HS3ST5: variants seen among roughly 807,000 people sequenced by gnomAD.
The protein encoded by HS3ST5 is heparan sulfate-glucosamine 3-sulfotransferase 5, also known as heparan sulfate glucosamine 3-O-sulfotransferase 5.
In HS3ST5, 10 loss-of-function variants were observed where a neutral mutation model predicts 25.4. The ratio of observed to expected loss-of-function variants is 0.39; its 90% confidence interval spans 0.24 to 0.67. HS3ST5 has a LOEUF of 0.67. Ranked by LOEUF, HS3ST5 falls within the 30% of genes least tolerant of loss-of-function variation. The pLI, the probability that HS3ST5 is intolerant of heterozygous loss-of-function variation, is 0.44. For missense variants in HS3ST5, 324 were observed against 420.7 expected (o/e 0.77, Z 2.01); for synonymous variants, 170 against 162.4 (o/e 1.05, Z -0.36).
At chr6:114,236,546 G>A (rs897654273) in intron 1 of HS3ST5, among the ~76,000 whole-genome samples, 4 of 152,104 alleles carry the variant, frequency 2.6e-5, no homozygotes, top group African/African-American at 9.7e-5. Context: ...TTGGTGGGGA[G>A]GAGTCTGTTG....
intron 3 of HS3ST5, chr6:114,084,691 C>G (rs987537661): frequency 7.9e-7 from 1 of 1,273,660 alleles, no homozygotes; most frequent in African/African-American, 1.5e-5. Flanking sequence ...CCACAAGAAG[C>G]CGTGGCTCCT....
chr6:114,248,217 A>AAATAT lies in HS3ST5; in HGVS notation c.-338-19440_-338-19439insATATT, dbSNP rs779273890. On this transcript the variant is annotated intron_variant, in intron 1 of 4. Coordinates refer to ENST00000312719, the MANE Select transcript of HS3ST5 (RefSeq NM_153612.4). ...TTCCATCTCAAAAAATGAAAAAAAA[A>AAATAT]ATATATATATATATATATATAAAAT... Among the ~76,000 whole-genome samples the AAATAT allele has an allele frequency of 4.2e-3, 603 of 143,130 alleles. 5 individuals are homozygous for AAATAT. Among genetic ancestry groups the AAATAT allele is most frequent in the Admixed American group, 7.5e-3 (107 of 14,248 alleles). 93.9% of individuals were successfully genotyped at this position (143,130 alleles called of 152,430 possible).
At chr6:114,267,333 G>C (rs1199700463) in intron 1 of HS3ST5, among the ~76,000 whole-genome samples, 1 of 152,162 alleles carries the variant, frequency 6.6e-6, no homozygotes, top group Non-Finnish European at 1.5e-5. Flanking sequence ...AGGTGGGGTT[G>C]TTTGTAACTT....
At chr6:114,211,335 T>C (rs948468251) in intron 2 of HS3ST5, among the ~76,000 whole-genome samples, 6 of 152,204 alleles carry the variant, frequency 3.9e-5, no homozygotes, top group South Asian at 2.1e-4. Context: ...TTAGCCCAGT[T>C]TTGTAGACAA....
At chr6:114,145,503 A>G (rs1218803736) in intron 3 of HS3ST5, among the ~76,000 whole-genome samples, 1 of 152,186 alleles carries the variant, frequency 6.6e-6, no homozygotes, top group East Asian at 1.9e-4. Context: ...GAGGAATGAC[A>G]GGAATGTTCA....
intron 1 of HS3ST5, among the ~76,000 whole-genome samples, chr6:114,289,304 A>G (rs1208768560): frequency 6.6e-6 from 1 of 152,136 alleles, no homozygotes; most frequent in African/African-American, 2.4e-5. Flanking sequence ...TTGGGTAGGA[A>G]AAATGATGCT....
intron 4 of HS3ST5, among the ~76,000 whole-genome samples, chr6:114,061,106 C>A (rs750337594): frequency 3.3e-5 from 5 of 152,106 alleles, no homozygotes; most frequent in Admixed American, 6.5e-5. Context: ...TAAAAGCTAT[C>A]CCCTTAGAGA....
intron 2 of HS3ST5, among the ~76,000 whole-genome samples, chr6:114,198,774 G>A (rs1344554660): frequency 6.6e-6 from 1 of 152,020 alleles, no homozygotes; most frequent in Non-Finnish European, 1.5e-5. Flanking sequence ...GAGATTAATG[G>A]AAATATCTGC....
intron 2 of HS3ST5, among the ~76,000 whole-genome samples, chr6:114,190,375 G>T (rs1780442067): frequency 6.6e-6 from 1 of 152,098 alleles, no homozygotes; most frequent in Non-Finnish European, 1.5e-5. Flanking sequence ...TCAACATTCT[G>T]GGGTTTCCAA....
chr6:114,322,083 CT>C (rs1224752040), intron 1 of HS3ST5, among the ~76,000 whole-genome samples: 3 of 152,032 alleles, frequency 2.0e-5, no homozygotes, highest in Non-Finnish European at 2.9e-5. Context: ...CATGATAATT[CT>C]TGTTAGTAGC....
At chr6:114,186,211 C>T (rs1780209942) in intron 2 of HS3ST5, among the ~76,000 whole-genome samples, 1 of 151,920 alleles carries the variant, frequency 6.6e-6, no homozygotes, top group Admixed American at 6.6e-5. Flanking sequence ...AAATCAAAAG[C>T]TAAAAATGAT....
chr6:114,085,537 T>C (rs1268277254), intron 3 of HS3ST5, among the ~76,000 whole-genome samples: 2 of 152,206 alleles, frequency 1.3e-5, no homozygotes, highest in African/African-American at 4.8e-5. Context: ...TAGAATACTG[T>C]TTTTATGAAT....
At chr6:114,259,145 C>A (rs1012478856) in intron 1 of HS3ST5, among the ~76,000 whole-genome samples, 2 of 152,156 alleles carry the variant, frequency 1.3e-5, no homozygotes, top group African/African-American at 4.8e-5. Context: ...CTCCTCAATA[C>A]CCTTTATAAA....
At chr6:114,073,513 A>G (rs962698434) in intron 3 of HS3ST5, among the ~76,000 whole-genome samples, 2 of 152,246 alleles carry the variant, frequency 1.3e-5, no homozygotes, top group Non-Finnish European at 2.9e-5. Context: ...GAAGACATTT[A>G]TGCAGCCAAC....
At chr6:114,071,245 C>A (rs1773802866) in intron 3 of HS3ST5, among the ~76,000 whole-genome samples, 1 of 152,194 alleles carries the variant, frequency 6.6e-6, no homozygotes, top group Non-Finnish European at 1.5e-5. Context: ...TGCCCCACAG[C>A]ACTGCTGTGA....
At chr6:114,258,979 A>C (rs1267657526) in intron 1 of HS3ST5, among the ~76,000 whole-genome samples, 1 of 152,218 alleles carries the variant, frequency 6.6e-6, no homozygotes, top group Admixed American at 6.5e-5. Context: ...TCCTTGGCTC[A>C]GATTCTCATT....
chr6:114,064,829 G>T (rs1773353329), intron 3 of HS3ST5, among the ~76,000 whole-genome samples: 2 of 152,168 alleles, frequency 1.3e-5, no homozygotes, highest in South Asian at 4.1e-4. Flanking sequence ...TCCTGAAGAA[G>T]TAACACTTGG....
chr6:114,147,650 A>G (rs1778233964), intron 3 of HS3ST5, among the ~76,000 whole-genome samples: 1 of 152,120 alleles, frequency 6.6e-6, no homozygotes, highest in African/African-American at 2.4e-5. Context: ...GCACAATCTC[A>G]GCTCACTGCA....
chr6:114,275,229 C>T (rs180869006), intron 1 of HS3ST5, among the ~76,000 whole-genome samples: 1 of 151,952 alleles, frequency 6.6e-6, no homozygotes. Context: ...TCTTCATGCT[C>T]CTTAGCACCT....
Sources: gnomAD v4.1 joint callset for allele counts (sites outside exome capture counted in the v4.1 genomes callset) on GRCh38, gnomAD v4.1.1 for gene constraint, MANE v1.5 for transcripts, NCBI Gene and HGNC (gene_info 2026-07-23, HGNC 2026-07-21) for gene names.